The following NLN variants were observed in gnomAD, a reference collection of about 807,000 sequenced individuals.
NLN encodes neurolysin, also known as neurolysin, mitochondrial.
NLN carries 64 observed loss-of-function variants against 79.9 expected under a neutral mutation model. That is an observed-to-expected ratio of 0.80 (90% CI 0.65 to 0.99). The LOEUF (loss-of-function observed/expected upper bound fraction) is 0.99. Among genes scored for constraint, NLN ranks in the 50% least tolerant of loss-of-function variants. The probability of loss-of-function intolerance (pLI) is 0.00; values close to 1 mark genes in which losing one functional copy is unlikely to be tolerated. For synonymous variants in NLN, 267 were observed against 296.6 expected (o/e 0.90, Z 1.02); for missense variants, 835 against 858.7 (o/e 0.97, Z 0.34).
chr5:65,728,664 T>C (rs1389639890), intron 1 of NLN, among the ~76,000 whole-genome samples: 1 of 152,242 alleles, frequency 6.6e-6, no homozygotes, highest in African/African-American at 2.4e-5. Context: ...TGGAAATTTC[T>C]CTTATTATAA....
intron 1 of NLN, among the ~76,000 whole-genome samples, chr5:65,726,043 T>TGGAGTTTGCAC (rs1159570423): frequency 1.4e-5 from 2 of 144,482 alleles, no homozygotes; most frequent in African/African-American, 5.2e-5. Context: ...ACCCGGAAGG[T>TGGAGTTTGCAC]GGAGTTTGCA....
chr5:65,817,884 C>A (rs1458290723), intron 12 of NLN, among the ~76,000 whole-genome samples: 4 of 152,140 alleles, frequency 2.6e-5, no homozygotes, highest in African/African-American at 9.7e-5. Context: ...CCCAATTCTT[C>A]CTGTAATGTG....
At chr5:65,762,702 CAA>C (rs35035106) in intron 2 of NLN, among the ~76,000 whole-genome samples, 1 of 141,072 alleles carries the variant, frequency 7.1e-6, no homozygotes, top group Admixed American at 7.2e-5. Flanking sequence ...GACCCTGTCT[CAA>C]AAAAAAAAAA....
chr5:65,765,066 A>T (rs559170698), intron 3 of NLN, among the ~76,000 whole-genome samples: 6 of 152,350 alleles, frequency 3.9e-5, no homozygotes, highest in Admixed American at 3.9e-4. Flanking sequence ...GTTAAATAGG[A>T]TAGCCATGAT....
intron 3 of NLN, among the ~76,000 whole-genome samples, chr5:65,774,057 T>TG (rs1759627679): frequency 6.7e-6 from 1 of 149,478 alleles, no homozygotes; most frequent in South Asian, 2.1e-4. Context: ...AATTCAAAGT[T>TG]TTTTTTTTTT....
rs777891414 is a variant in NLN, at chr5:65,788,375, G to A, written c.1216G>A (p.Glu406Lys). ...CCAGGAGTTGTTGGGACTTTCATTT[G>A]AACAAATGACAGATGCTCATGTTTG... The part of the protein sequence containing the change: ...TYQELLGLSF[E>K]QMTDAHVWNK... The change falls in exon 8 of 13, where the codon GAA becomes AAA. Residue 406 changes from glutamate to lysine, a missense_variant. Physicochemically the swap from Glu to Lys is moderately conservative, Grantham distance 56 (BLOSUM62 1). Transcript: ENST00000380985. 4 of 1,614,140 alleles carry A rather than the reference G, an allele frequency of 2.5e-6. No individual in the cohort carries two copies. The Admixed American group carries it at 5.0e-5, about 20-fold the overall frequency.
intron 11 of NLN, 119 bp from the exon 12 acceptor site, chr5:65,812,136 A>G (rs1008378444): frequency 8.8e-6 from 7 of 799,644 alleles, no homozygotes; most frequent in African/African-American, 6.9e-5. Context: ...TAGAGGTGAG[A>G]TCATGTCATT....
chr5:65,801,806 A>AT (rs5868420), intron 9 of NLN, among the ~76,000 whole-genome samples: 109,395 of 151,928 alleles, frequency 0.72, 39,720 homozygotes, highest in African/African-American at 0.8. Flanking sequence ...CTCATGAATT[A>AT]TCATTTGTGT....
At chr5:65,756,087 G>A (rs900497448) in intron 1 of NLN, among the ~76,000 whole-genome samples, 6 of 152,086 alleles carry the variant, frequency 3.9e-5, no homozygotes, top group Non-Finnish European at 7.4e-5. Flanking sequence ...ACATCTGTAC[G>A]TTTGCTGTTG....
At position 65,722,221 on chromosome 5, in the gene NLN, C is replaced by G. The variant is rs1758317438; in HGVS notation, c.-153C>G. The G allele has an allele frequency of 2.5e-6, 1 of 406,734 alleles. No individual in the cohort carries two copies. The highest frequency in any genetic ancestry group is 4.8e-5 in the Admixed American group (1 of 20,892). The allele number at this position is 406,734 out of a possible 1,614,324, so 25.2% of individuals were successfully genotyped here. A position where few individuals can be genotyped will look rare whatever the true frequency, so the allele number is the denominator to read the frequency against. ...GGGGCTGGTAGGCGCCGGCGTGGAG[C>G]TGCCGCACGTGGGAGGGCGCTGGCC... On this transcript the variant is annotated 5_prime_UTR_variant, in exon 1 of 13. Coordinates refer to ENST00000380985, the MANE Select transcript of NLN (RefSeq NM_020726.5).
At chr5:65,761,805 G>A (rs969345942) in intron 2 of NLN, among the ~76,000 whole-genome samples, 4 of 152,042 alleles carry the variant, frequency 2.6e-5, no homozygotes, top group African/African-American at 7.2e-5. Flanking sequence ...ATTTCTAATA[G>A]CTTTATTTGT....
intron 1 of NLN, among the ~76,000 whole-genome samples, chr5:65,724,968 A>AT (rs544628315): frequency 1.0e-3 from 153 of 146,032 alleles, no homozygotes; most frequent in Non-Finnish European, 1.3e-3. Context: ...CGCCCGGCTA[A>AT]TTTTTTTTTT....
At chr5:65,797,110 A>G (rs1335366441) in intron 9 of NLN, among the ~76,000 whole-genome samples, 1 of 152,210 alleles carries the variant, frequency 6.6e-6, no homozygotes, top group Non-Finnish European at 1.5e-5. Context: ...AAGAGGTGAT[A>G]TCTGTAGTAT....
At position 65,781,220 on chromosome 5, in the gene NLN, T is replaced by C. The variant is rs755217083; in HGVS notation, c.662-41T>C. The C allele has an allele frequency of 2.8e-6, 4 of 1,409,826 alleles. No individual in the cohort carries two copies. In the South Asian group the frequency reaches 3.6e-5, roughly 13 times the overall value. The allele number at this position is 1,409,826 out of a possible 1,614,324, so 87.3% of individuals were successfully genotyped here. A position where few individuals can be genotyped will look rare whatever the true frequency, so the allele number is the denominator to read the frequency against. ...ATGCCAATACTAAATAAACCAGCAATGAGTGGAAAATTTGATATATGAGAA... is the reference window on the plus strand; with the variant it reads ...ATGCCAATACTAAATAAACCAGCAACGAGTGGAAAATTTGATATATGAGAA... On this transcript the variant is annotated intron_variant, in intron 5 of 12. Transcript: ENST00000380985.
chr5:65,752,160 C>T (rs1245873477), intron 1 of NLN, among the ~76,000 whole-genome samples: 1 of 151,842 alleles, frequency 6.6e-6, no homozygotes, highest in Non-Finnish European at 1.5e-5. Flanking sequence ...ATCACCTGAG[C>T]TGGAAGGTTG....
chr5:65,796,154 A>C (rs974199757), intron 9 of NLN, among the ~76,000 whole-genome samples: 1 of 152,182 alleles, frequency 6.6e-6, no homozygotes, highest in African/African-American at 2.4e-5. Flanking sequence ...ACAAGGAAGC[A>C]TTTTGGTCTT....
In NLN at chr5:65,810,079, A is replaced by G. The variant is rs1760510726; in HGVS notation, c.1757A>G (p.Gln586Arg). 1 of 1,614,054 alleles carries G rather than the reference A, an allele frequency of 6.2e-7. No homozygotes were observed. The highest frequency in any genetic ancestry group is 8.5e-7 in the Non-Finnish European group (1 of 1,179,884). Reference protein sequence around the residue: ...LRQIVLSKVDQSLHTNTSLDA... With the variant: ...LRQIVLSKVDRSLHTNTSLDA... The stretch of plus-strand genomic sequence containing the variant: ...CAGATTGTTTTGAGCAAAGTTGATC[A>G]GTCTCTTCATACCAACACATCGCTG... Residue 586 changes from glutamine (Q) to arginine (R), a missense_variant, in exon 11 of 13, where the codon CAG (glutamine) becomes CGG (arginine). Coordinates refer to ENST00000380985, the MANE Select transcript of NLN (RefSeq NM_020726.5).
intron 3 of NLN, among the ~76,000 whole-genome samples, chr5:65,775,177 G>A (rs984283773): frequency 6.6e-6 from 1 of 152,080 alleles, no homozygotes; most frequent in Non-Finnish European, 1.5e-5. Flanking sequence ...ATGTATTTTA[G>A]GCTTTCTGAA....
Position 65,777,455 on chromosome 5 carries a change from C to A in NLN, c.479C>A (p.Pro160His). 6.2e-7 allele frequency: 1 copy of A among 1,612,930 alleles called. No homozygotes were observed. Among genetic ancestry groups the A allele is most frequent in the Non-Finnish European group, 8.5e-7 (1 of 1,179,176 alleles). Residue 160 changes from proline to histidine, a missense_variant, in exon 4 of 13, where the codon CCT (proline) becomes CAT (histidine). Transcript: ENST00000380985. The stretch of plus-strand genomic sequence containing the variant: ...ACCTGTGATCTGGGGAAGATAAAAC[C>A]TGAGGCCAGACGATACTTGGAAAAG... Reference protein sequence around the residue: ...QETCDLGKIKPEARRYLEKSI... With the variant: ...QETCDLGKIKHEARRYLEKSI...
Sources: allele counts gnomAD v4.1 joint callset (sites outside exome capture counted in the v4.1 genomes callset), GRCh38; gene constraint gnomAD v4.1.1; transcripts MANE v1.5; gene names NCBI Gene and HGNC (gene_info 2026-07-23, HGNC 2026-07-21).